The following LRRC7 variants were observed in gnomAD, a reference collection of about 807,000 sequenced individuals.
LRRC7 encodes the protein leucine rich repeat containing 7.
A neutral mutation model predicts 175.7 loss-of-function variants in LRRC7; 23 were observed. The observed-to-expected ratio is 0.13, with a 90% CI of 0.09 to 0.19. The LOEUF (loss-of-function observed/expected upper bound fraction) is 0.19. LRRC7 is among the 10% of genes least tolerant of loss of function. The pLI is 1.00. For synonymous variants in LRRC7, 685 were observed against 680.9 expected, an observed-to-expected ratio of 1.01 and a Z score of -0.09; for missense variants, 1,354 against 1,904.7, an observed-to-expected ratio of 0.71 and a Z score of 5.38.
intron 24 of LRRC7, among the ~76,000 whole-genome samples, chr1:70,080,176 G>T (rs1401985673): frequency 2.0e-5 from 3 of 152,102 alleles, no homozygotes; most frequent in African/African-American, 4.8e-5. Context: ...ACTTGCAATT[G>T]CTTTGAAAAG....
intron 7 of LRRC7, among the ~76,000 whole-genome samples, chr1:69,877,116 T>G (rs551784118): frequency 4.9e-4 from 75 of 152,196 alleles, no homozygotes; most frequent in African/African-American, 1.8e-3. Context: ...AACCATGAGG[T>G]AGACAGAGAA....
intron 25 of LRRC7, among the ~76,000 whole-genome samples, chr1:70,099,251 G>A (rs1159289122): frequency 3.7e-5 from 5 of 135,112 alleles, no homozygotes; most frequent in African/African-American, 8.5e-5. Context: ...TGCAGAAAAG[G>A]CCTTTGACAA....
chr1:70,014,955 T>C (rs1246995362), intron 13 of LRRC7, among the ~76,000 whole-genome samples: 1 of 152,078 alleles, frequency 6.6e-6, no homozygotes, highest in Non-Finnish European at 1.5e-5. Flanking sequence ...GTTTACATGA[T>C]TCTGGATAGT....
At chr1:70,040,502 AAATT>A (rs1428413365) in intron 21 of LRRC7, among the ~76,000 whole-genome samples, 1 of 152,212 alleles carries the variant, frequency 6.6e-6, no homozygotes, top group Non-Finnish European at 1.5e-5. Context: ...GCAAAAAAGA[AAATT>A]AATTCTAGTT....
chr1:69,678,503 T>G, intron 2 of LRRC7, 25 bp downstream of exon 2: 7 of 1,539,494 alleles, frequency 4.5e-6, no homozygotes, highest in Non-Finnish European at 6.2e-6. Flanking sequence ...TAGGATTACC[T>G]GTGTTCTAGA....
chr1:69,856,655 C>T (rs574731584), intron 7 of LRRC7, among the ~76,000 whole-genome samples: 11 of 152,224 alleles, frequency 7.2e-5, no homozygotes, highest in South Asian at 4.1e-4. Context: ...CAGGACCAGA[C>T]GGATTCACAG....
At chr1:70,095,510 A>G (rs1664322238) in intron 25 of LRRC7, among the ~76,000 whole-genome samples, 1 of 152,198 alleles carries the variant, frequency 6.6e-6, no homozygotes, top group African/African-American at 2.4e-5. Flanking sequence ...GTAGAGATGA[A>G]ATGTACTCTT....
intron 2 of LRRC7, among the ~76,000 whole-genome samples, chr1:69,702,518 CTT>C (rs1422864083): frequency 6.6e-6 from 1 of 152,054 alleles, no homozygotes; most frequent in Non-Finnish European, 1.5e-5. Flanking sequence ...TCTTTTCAGA[CTT>C]TTTTTCTCTC....
In LRRC7 at chr1:70,130,656, G is replaced by T. The variant is rs959021738; in HGVS notation, c.*8769G>T. 6.6e-6 allele frequency among the ~76,000 whole-genome samples: 1 copy of T among 152,116 alleles called. No individual in the cohort carries two copies. Among genetic ancestry groups the T allele is most frequent in the Non-Finnish European group, 1.5e-5 (1 of 68,028 alleles). On this transcript the variant is annotated 3_prime_UTR_variant, in exon 27 of 27. Coordinates refer to ENST00000651989, the MANE Select transcript of LRRC7 (RefSeq NM_001370785.2). ...CACCATTCAAAAAGTTTAAGAAGTG[G>T]CTTTTATTTAATTGGAGCACACCAT...
At chr1:69,887,299 T>G (rs1239553641) in intron 7 of LRRC7, among the ~76,000 whole-genome samples, 1 of 127,972 alleles carries the variant, frequency 7.8e-6, no homozygotes, top group East Asian at 2.2e-4. Flanking sequence ...CCATATTTCT[T>G]GGAGGCTTTG....
chr1:69,701,259 C>T (rs1663309636), intron 2 of LRRC7, among the ~76,000 whole-genome samples: 1 of 152,078 alleles, frequency 6.6e-6, no homozygotes, highest in African/African-American at 2.4e-5. Flanking sequence ...GTTACAGGCT[C>T]ATTGAAGTAA....
intron 24 of LRRC7, among the ~76,000 whole-genome samples, chr1:70,078,792 A>AAT (rs1662971217): frequency 6.8e-6 from 1 of 146,594 alleles, no homozygotes; most frequent in African/African-American, 2.6e-5. Context: ...TTCTACATAT[A>AAT]CGCGCGCGCG....
intron 7 of LRRC7, among the ~76,000 whole-genome samples, chr1:69,922,107 G>GT (rs71071383): frequency 0.56 from 84,227 of 151,744 alleles, 23,431 homozygotes; most frequent in East Asian, 0.7. Context: ...TGTATTTTTA[G>GT]AGAGACGGGG....
rs1666922825 is a variant in LRRC7, at chr1:70,137,648, A to C, written c.*15761A>C. On this transcript the variant is annotated 3_prime_UTR_variant, in exon 27 of 27. Transcript: ENST00000651989. Reference sequence around the variant, plus strand: ...AGCCCCTGAGATAAAATTTTCTAGGAAGTATAAAAACTAAAGAATGCCTGG... The same window carrying C: ...AGCCCCTGAGATAAAATTTTCTAGGCAGTATAAAAACTAAAGAATGCCTGG... 6.6e-6 allele frequency among the ~76,000 whole-genome samples: 1 copy of C among 152,236 alleles called. No individual in the cohort carries two copies. The highest frequency in any genetic ancestry group is 1.5e-5 in the Non-Finnish European group (1 of 68,042).
chr1:69,667,460 T>G (rs1047943668), intron 1 of LRRC7, among the ~76,000 whole-genome samples: 15 of 152,202 alleles, frequency 9.9e-5, no homozygotes, highest in African/African-American at 3.6e-4. Flanking sequence ...GCACTAATAG[T>G]ATGTGTTTTG....
At chr1:69,715,191 T>C (rs1015634193) in intron 2 of LRRC7, among the ~76,000 whole-genome samples, 1 of 152,108 alleles carries the variant, frequency 6.6e-6, no homozygotes, top group Non-Finnish European at 1.5e-5. Flanking sequence ...TGATAATCAA[T>C]CCTCCCTTTA....
chr1:69,690,539 C>A (rs1259431680), intron 2 of LRRC7, among the ~76,000 whole-genome samples: 1 of 152,136 alleles, frequency 6.6e-6, no homozygotes, highest in African/African-American at 2.4e-5. Context: ...CCTTTTTACA[C>A]CCTTCCTTTC....
At chr1:69,591,532 G>T (rs1317516885) in intron 1 of LRRC7, among the ~76,000 whole-genome samples, 1 of 151,982 alleles carries the variant, frequency 6.6e-6, no homozygotes, top group African/African-American at 2.4e-5. Context: ...TAGTAAAACC[G>T]ATAGCTTCCG....
chr1:69,663,933 G>A (rs1657894691), intron 1 of LRRC7, among the ~76,000 whole-genome samples: 1 of 151,292 alleles, frequency 6.6e-6, no homozygotes, highest in Admixed American at 6.6e-5. Context: ...TTGTTAGCCA[G>A]GATGGTCTCG....
Sources: gnomAD v4.1 joint callset for allele counts (sites outside exome capture counted in the v4.1 genomes callset) on GRCh38, gnomAD v4.1.1 for gene constraint, MANE v1.5 for transcripts, NCBI Gene and HGNC (gene_info 2026-07-23, HGNC 2026-07-21) for gene names.